MAP3K1: variants seen among roughly 807,000 people sequenced by gnomAD.
The protein encoded by MAP3K1 is mitogen-activated protein kinase kinase kinase 1.
In MAP3K1, 36 loss-of-function variants were observed where a neutral mutation model predicts 144.2. The observed-to-expected ratio is 0.25, with a 90% CI of 0.19 to 0.33. The LOEUF (loss-of-function observed/expected upper bound fraction) is 0.33, where lower values mean the gene tolerates loss of function less well. Among genes scored for constraint, MAP3K1 ranks in the 10% least tolerant of loss-of-function variants. The pLI, the probability that MAP3K1 is intolerant of heterozygous loss-of-function variation, is 1.00. For missense variants in MAP3K1, 1,650 were observed against 1,881.9 expected (o/e 0.88, Z 2.28); for synonymous variants, 718 against 688.7 (o/e 1.04, Z -0.67).
chr5:56,874,752 A>T (rs1455207508), intron 9 of MAP3K1, among the ~76,000 whole-genome samples: 2 of 152,200 alleles, frequency 1.3e-5, no homozygotes, highest in Non-Finnish European at 2.9e-5. Context: ...GTAGAGGCAT[A>T]GAATGTATGT....
intron 6 of MAP3K1, among the ~76,000 whole-genome samples, chr5:56,867,475 T>C (rs536111251): frequency 6.6e-6 from 1 of 152,200 alleles, no homozygotes; most frequent in Non-Finnish European, 1.5e-5. Flanking sequence ...AAAATTCAAT[T>C]GAAAATGAAG....
rs774670651 is a variant in MAP3K1, at chr5:56,882,294, A to C, written c.3094A>C (p.Asn1032His). The change falls in exon 14 of 20, where the codon AAC becomes CAC. Residue 1032 changes from asparagine to histidine, a missense_variant. By Grantham distance (68) the Asn-to-His change is moderately conservative. Coordinates refer to ENST00000399503, the MANE Select transcript of MAP3K1 (RefSeq NM_005921.2). ...QRKFSLQFHRNCPENKDSDKL... is the reference protein window; with the variant it reads ...QRKFSLQFHRHCPENKDSDKL... ...CAAGTTTTCTCTACAATTCCACAGA[A>C]ACTGTCCTGAAAACAAAGACTCAGA... 1 of 1,614,104 alleles carries C rather than the reference A, an allele frequency of 6.2e-7. No individual in the cohort carries two copies. The highest frequency in any genetic ancestry group is 1.7e-5 in the Admixed American group (1 of 60,000).
At chr5:56,867,596 A>G (rs1301563326) in intron 6 of MAP3K1, among the ~76,000 whole-genome samples, 2 of 152,212 alleles carry the variant, frequency 1.3e-5, no homozygotes, top group Non-Finnish European at 2.9e-5. Context: ...AAAAGATACC[A>G]GTTTTTATTT....
intron 3 of MAP3K1, among the ~76,000 whole-genome samples, chr5:56,864,359 C>A (rs910797780): frequency 5.4e-5 from 8 of 148,256 alleles, no homozygotes; most frequent in African/African-American, 2.0e-4. Flanking sequence ...CTTGTATGAT[C>A]TTCTTTGGAT....
At chr5:56,855,544 T>A (rs1343212537) in intron 1 of MAP3K1, among the ~76,000 whole-genome samples, 2 of 152,224 alleles carry the variant, frequency 1.3e-5, no homozygotes, top group Non-Finnish European at 2.9e-5. Context: ...CCGTTTCCTT[T>A]CTAGTGAATA....
At chr5:56,848,659 G>T (rs567011759) in intron 1 of MAP3K1, among the ~76,000 whole-genome samples, 1 of 152,208 alleles carries the variant, frequency 6.6e-6, no homozygotes, top group African/African-American at 2.4e-5. Flanking sequence ...TCTATACTGT[G>T]TTCTGGTTTT....
chr5:56,820,890 A>G (rs995585486), intron 1 of MAP3K1: 2 of 629,104 alleles, frequency 3.2e-6, no homozygotes, highest in African/African-American at 2.0e-5. Context: ...CAGAGGGGAT[A>G]CAACATATTA....
chr5:56,815,829 G>T lies in MAP3K1; in HGVS notation c.256G>T (p.Ala86Ser). ...GCTCTTCCTTGCCGCCTCACCGCCG[G>T]CCTCCTCGACTTCCCCGTCGCCGGA... ...QPLFLAASPP[A>S]SSTSPSPEPA... The change falls in exon 1 of 20, where the codon GCC becomes TCC. Residue 86 changes from alanine (A) to serine (S), a missense_variant. By Grantham distance (99) the Ala-to-Ser change is moderately conservative. Around this residue, in one of 6 missense-constraint regions of MAP3K1, gnomAD observed 360 missense variants for 274.7 expected, o/e 1.31. Coordinates refer to ENST00000399503, the MANE Select transcript of MAP3K1 (RefSeq NM_005921.2). 1 of 1,416,898 alleles carries T rather than the reference G, an allele frequency of 7.1e-7. No individual in the cohort carries two copies. The highest frequency in any genetic ancestry group is 9.2e-7 in the Non-Finnish European group (1 of 1,081,798). The allele number at this position is 1,416,898 out of a possible 1,614,324, so 87.8% of individuals were successfully genotyped here. A position where few individuals can be genotyped will look rare whatever the true frequency, so the allele number is the denominator to read the frequency against.
intron 9 of MAP3K1, among the ~76,000 whole-genome samples, chr5:56,873,758 T>C (rs939850466): frequency 6.6e-6 from 1 of 152,206 alleles, no homozygotes; most frequent in African/African-American, 2.4e-5. Context: ...TTATATATCA[T>C]TAGGATTTGT....
At chr5:56,879,394 A>C (rs1246454830) in intron 11 of MAP3K1, among the ~76,000 whole-genome samples, 1 of 152,220 alleles carries the variant, frequency 6.6e-6, no homozygotes, top group Non-Finnish European at 1.5e-5. Context: ...TAAGAACAGT[A>C]GTTGACATTT....
In MAP3K1 at chr5:56,831,691, C is replaced by T. The variant is rs547249108; in HGVS notation, c.482+15636C>T. 1.8e-4 allele frequency among the ~76,000 whole-genome samples: 27 copies of T among 152,248 alleles called. No individual in the cohort carries two copies. The South Asian group carries it at 5.4e-3, about 30-fold the overall frequency. On this transcript the variant is annotated intron_variant, in intron 1 of 19. Transcript: ENST00000399503. ...GGTACTTATGATTGCTTATGTAGGA[C>T]TAATGCAAAAATTAAATGAATTCCA... is the stretch of plus-strand genomic sequence containing the variant.
intron 17 of MAP3K1, among the ~76,000 whole-genome samples, chr5:56,887,036 T>C (rs1330838932): frequency 6.6e-6 from 1 of 152,230 alleles, no homozygotes; most frequent in Non-Finnish European, 1.5e-5. Context: ...GTGCTGAGAT[T>C]ACAGGCGTCA....
chr5:56,888,693 C>T (rs1000435664), intron 19 of MAP3K1, among the ~76,000 whole-genome samples: 5 of 152,154 alleles, frequency 3.3e-5, no homozygotes, highest in African/African-American at 1.2e-4. Flanking sequence ...CTATAGTGGA[C>T]TGTGTTGTCA....
Position 56,889,978 on chromosome 5 carries a change from G to A in MAP3K1, c.4389+1621G>A, listed in dbSNP as rs80024747. Among the ~76,000 whole-genome samples, 103 of 152,112 alleles carry A rather than the reference G, an allele frequency of 6.8e-4. 1 individual carries two copies. The East Asian group carries it at 0.018, about 27-fold the overall frequency. On this transcript the variant is annotated intron_variant, in intron 19 of 19. Coordinates refer to ENST00000399503, the MANE Select transcript of MAP3K1 (RefSeq NM_005921.2). ...CAGACGTCCCATGTCCGTTCTCTAC[G>A]TGGTTCAAATTCTTATTCTCTTTAA...
chr5:56,830,579 T>G (rs910405214), intron 1 of MAP3K1, among the ~76,000 whole-genome samples: 24 of 152,188 alleles, frequency 1.6e-4, no homozygotes, highest in African/African-American at 5.8e-4. Context: ...TACACACACA[T>G]TTTCCTGTAA....
At chr5:56,884,195 A>C (rs898628841) in intron 15 of MAP3K1, among the ~76,000 whole-genome samples, 2 of 152,220 alleles carry the variant, frequency 1.3e-5, no homozygotes, top group Non-Finnish European at 2.9e-5. Context: ...AGACTACAAT[A>C]TCAAGATGGG....
chr5:56,832,959 C>G (rs914643164), intron 1 of MAP3K1, among the ~76,000 whole-genome samples: 1 of 152,218 alleles, frequency 6.6e-6, no homozygotes, highest in Non-Finnish European at 1.5e-5. Flanking sequence ...GAAACCTCCA[C>G]CTCCTGGGTT....
chr5:56,878,889 T>C, intron 10 of MAP3K1, 91 bp from the exon 11 acceptor site: 1 of 1,128,874 alleles, frequency 8.9e-7, no homozygotes. Flanking sequence ...TCCTGTCTAC[T>C]TATTTTGTTG....
At chr5:56,850,335 A>C (rs1747131013) in intron 1 of MAP3K1, among the ~76,000 whole-genome samples, 1 of 152,216 alleles carries the variant, frequency 6.6e-6, no homozygotes, top group South Asian at 2.1e-4. Flanking sequence ...TTCCTTGGAC[A>C]CCAAGAGAAT....
Sources: allele counts gnomAD v4.1 joint callset (sites outside exome capture counted in the v4.1 genomes callset), GRCh38; gene constraint gnomAD v4.1.1; regional missense constraint gnomAD v4.1.1; transcripts MANE v1.5; gene names NCBI Gene and HGNC (gene_info 2026-07-23, HGNC 2026-07-21).